BACE2: variants seen among roughly 807,000 people sequenced by gnomAD.
The protein encoded by BACE2 is beta-secretase 2, also known as 56 kDa aspartic-like protease.
BACE2 carries 17 observed loss-of-function variants against 46.2 expected under a neutral mutation model. The observed-to-expected ratio is 0.37, with a 90% CI of 0.25 to 0.55. The LOEUF (loss-of-function observed/expected upper bound fraction) is 0.55. Among genes scored for constraint, BACE2 ranks in the 20% least tolerant of loss-of-function variants. The pLI is 0.82. For missense variants in BACE2, 595 were observed against 698.1 expected, an observed-to-expected ratio of 0.85 and a Z score of 1.66; for synonymous variants, 277 against 295.9, an observed-to-expected ratio of 0.94 and a Z score of 0.66.
chr21:41,201,581 G>A (rs2123529978), intron 1 of BACE2, among the ~76,000 whole-genome samples: 1 of 152,348 alleles, frequency 6.6e-6, no homozygotes, highest in Admixed American at 6.5e-5. Flanking sequence ...AAACCTGGCA[G>A]GCTCCTCAGG....
intron 8 of BACE2, among the ~76,000 whole-genome samples, chr21:41,258,336 G>A (rs1049718262): frequency 6.6e-6 from 1 of 152,202 alleles, no homozygotes; most frequent in African/African-American, 2.4e-5. Context: ...AGGAAAGGGG[G>A]TTTTGTAGGA....
intron 8 of BACE2, among the ~76,000 whole-genome samples, chr21:41,267,713 A>C (rs1465099201): frequency 2.0e-5 from 3 of 152,162 alleles, no homozygotes; most frequent in Non-Finnish European, 4.4e-5. Flanking sequence ...AAAGGTGTAG[A>C]TCAGGCTGCT....
chr21:41,175,758 T>C (rs1984808305), intron 1 of BACE2: 1 of 152,124 alleles, frequency 6.6e-6, no homozygotes, highest in Admixed American at 6.6e-5. Context: ...ATGCCAGGGT[T>C]AATATGGTCT....
chr21:41,256,783 C>T (rs1040153419), intron 7 of BACE2, among the ~76,000 whole-genome samples: 2 of 152,190 alleles, frequency 1.3e-5, no homozygotes, highest in Non-Finnish European at 2.9e-5. Flanking sequence ...CACATGTTCT[C>T]CGGACCTCCT....
intron 1 of BACE2, among the ~76,000 whole-genome samples, chr21:41,171,763 A>G (rs1362178516): frequency 6.6e-6 from 1 of 152,240 alleles, no homozygotes; most frequent in Non-Finnish European, 1.5e-5. Flanking sequence ...GTAGCTTCAA[A>G]AAAAGCCTTT....
intron 1 of BACE2, chr21:41,186,068 A>C (rs890457988): frequency 1.3e-5 from 2 of 152,362 alleles, no homozygotes; most frequent in African/African-American, 2.4e-5. Context: ...GCTTCAAGGC[A>C]CCTAAACCGT....
chr21:41,235,813 C>A (rs1987101223), intron 2 of BACE2, among the ~76,000 whole-genome samples: 1 of 152,108 alleles, frequency 6.6e-6, no homozygotes, highest in African/African-American at 2.4e-5. Flanking sequence ...GGCACTCCAG[C>A]CTGGATGACA....
At chr21:41,169,263 CAG>C (rs1010086699) in intron 1 of BACE2, among the ~76,000 whole-genome samples, 3 of 151,602 alleles carry the variant, frequency 2.0e-5, no homozygotes, top group Non-Finnish European at 4.4e-5. Context: ...CGCGGGTGTG[CAG>C]AGTGTGAAAA....
chr21:41,172,650 C>T (rs1984647480), intron 1 of BACE2, among the ~76,000 whole-genome samples: 1 of 152,188 alleles, frequency 6.6e-6, no homozygotes, highest in African/African-American at 2.4e-5. Flanking sequence ...CTTCATGCTT[C>T]TGGAGATGAT....
intron 8 of BACE2, among the ~76,000 whole-genome samples, chr21:41,258,411 A>C (rs148832717): frequency 2.7e-4 from 41 of 152,334 alleles, no homozygotes; most frequent in African/African-American, 9.1e-4. Context: ...GGAAGCCTCA[A>C]CTCAGACCTT....
chr21:41,178,979 T>C, intron 1 of BACE2: 2 of 753,226 alleles, frequency 2.7e-6, no homozygotes, highest in South Asian at 2.1e-5. Context: ...GGAGGTGCAA[T>C]TTGAGATGAG....
intron 2 of BACE2, among the ~76,000 whole-genome samples, chr21:41,232,761 T>G (rs560576234): frequency 6.6e-6 from 1 of 152,326 alleles, no homozygotes; most frequent in East Asian, 1.9e-4. Context: ...ACATGCTTCA[T>G]GCACAGCCTA....
chr21:41,216,615 C>T (rs1986476281), intron 1 of BACE2, among the ~76,000 whole-genome samples: 1 of 152,196 alleles, frequency 6.6e-6, no homozygotes, highest in Non-Finnish European at 1.5e-5. Context: ...GAGCTCCGGT[C>T]ATGAGGCAAT....
At chr21:41,189,482 C>T (rs1356036878) in intron 1 of BACE2, among the ~76,000 whole-genome samples, 3 of 152,182 alleles carry the variant, frequency 2.0e-5, no homozygotes, top group Non-Finnish European at 4.4e-5. Context: ...TTCAAAGTTG[C>T]ACATCTTCTT....
intron 1 of BACE2, chr21:41,182,805 A>G (rs1320261638): frequency 6.0e-6 from 1 of 167,092 alleles, no homozygotes; most frequent in Non-Finnish European, 1.5e-5. Flanking sequence ...TAGGATAGGG[A>G]ATTTACTATA....
intron 1 of BACE2, among the ~76,000 whole-genome samples, chr21:41,170,215 CAA>C (rs34756203): frequency 6.7e-6 from 1 of 148,244 alleles, no homozygotes; most frequent in Non-Finnish European, 1.5e-5. Context: ...CTTTGGCAAT[CAA>C]AAAAAAAAAG....
At chr21:41,179,797 A>G in intron 1 of BACE2, 1 of 538,386 alleles carries the variant, frequency 1.9e-6, no homozygotes, top group Admixed American at 2.9e-5. Context: ...TGTGTGTTTT[A>G]TTCAACAGTG....
At chr21:41,256,218 C>T (rs936839243) in intron 7 of BACE2, among the ~76,000 whole-genome samples, 1 of 152,124 alleles carries the variant, frequency 6.6e-6, no homozygotes, top group Non-Finnish European at 1.5e-5. Flanking sequence ...TTAGGTATTT[C>T]TCCTAATGTT....
intron 1 of BACE2, among the ~76,000 whole-genome samples, chr21:41,214,931 G>T (rs1180855596): frequency 1.3e-5 from 2 of 152,062 alleles, no homozygotes; most frequent in Non-Finnish European, 2.9e-5. Flanking sequence ...AAGAGGTATG[G>T]GGGGAGGGCA....
Sources: allele counts gnomAD v4.1 joint callset (sites outside exome capture counted in the v4.1 genomes callset), GRCh38; gene constraint gnomAD v4.1.1; transcripts MANE v1.5; gene names NCBI Gene and HGNC (gene_info 2026-07-23, HGNC 2026-07-21).